Variants in MBNL2 observed in about 807,000 individuals in gnomAD.
MBNL2 encodes muscleblind-like protein 2.
Under a neutral mutation model 41.9 loss-of-function variants are expected in MBNL2, and 17 were observed. The ratio of observed to expected loss-of-function variants is 0.41; its 90% CI spans 0.28 to 0.61. The LOEUF (loss-of-function observed/expected upper bound fraction) is 0.61, where lower values mean the gene tolerates loss of function less well. MBNL2 is among the 20% of genes least tolerant of loss of function. The pLI is 0.35. For synonymous variants in MBNL2, 195 were observed against 182.9 expected (o/e 1.07, Z -0.53); for missense variants, 336 against 505.6 (o/e 0.66, Z 3.22).
chr13:97,148,703 T>C, the MBNL2 span, among the ~76,000 whole-genome samples: 1 of 152,218 alleles, frequency 6.6e-6, no homozygotes, highest in African/African-American at 2.4e-5. Context: ...ATCACCATTA[T>C]TGTCTTCCAT....
chr13:97,265,801 T>C (rs963506692), intron 1 of MBNL2, among the ~76,000 whole-genome samples: 1 of 152,068 alleles, frequency 6.6e-6, no homozygotes, highest in Non-Finnish European at 1.5e-5. Context: ...TACTATCCCT[T>C]TGAAGAAAAA....
Position 97,233,141 on chromosome 13 carries a change from A to G in MBNL2, c.-605+10610A>G, listed in dbSNP as rs1237725750. 2.0e-4 allele frequency among the ~76,000 whole-genome samples: 15 copies of G among 75,928 alleles called. No individual in the cohort carries two copies. The East Asian group carries it at 0.011, about 56-fold the overall frequency. The allele number at this position is 75,928 out of a possible 152,430, so 49.8% of individuals were successfully genotyped here. A position where few individuals can be genotyped will look rare whatever the true frequency, so the allele number is the denominator to read the frequency against. On this transcript the variant is annotated intron_variant, in intron 1 of 8. Transcript: ENST00000679496. ...GGCTCTTTTTCATATATATATATAT[A>G]TATATATATATATATATATATATAT...
intron 2 of MBNL2, among the ~76,000 whole-genome samples, chr13:97,329,402 TTC>T (rs2060179018): frequency 6.6e-6 from 1 of 152,124 alleles, no homozygotes; most frequent in Non-Finnish European, 1.5e-5. Context: ...GATCTTGTTA[TTC>T]TCCTGCTTAA....
intron 2 of MBNL2, among the ~76,000 whole-genome samples, chr13:97,280,254 T>C (rs900177236): frequency 1.3e-5 from 2 of 152,218 alleles, no homozygotes; most frequent in Admixed American, 6.5e-5. Flanking sequence ...GGAATTAATC[T>C]GAACCATTTG....
In MBNL2 at chr13:97,391,583, G is replaced by A. The variant is rs2066393684; in HGVS notation, c.*134G>A. ...TTAACTACCTGAGACCAGCTGTGAT[G>A]TTTAAAGACATAAAGGATAAAGTTT... On this transcript the variant is annotated 3_prime_UTR_variant, in exon 9 of 9. Coordinates refer to ENST00000679496, the MANE Select transcript of MBNL2 (RefSeq NM_001382683.1). 1 of 652,264 alleles carries A rather than the reference G, an allele frequency of 1.5e-6. No homozygotes were observed. The allele number at this position is 652,264 out of a possible 1,614,324, so 40.4% of individuals were successfully genotyped here.
the MBNL2 span, among the ~76,000 whole-genome samples, chr13:97,187,125 G>A: frequency 6.6e-6 from 1 of 152,136 alleles, no homozygotes; most frequent in African/African-American, 2.4e-5. Flanking sequence ...TGAGTACTTA[G>A]AAAGTGCAGA....
chr13:97,158,129 T>A, the MBNL2 span, among the ~76,000 whole-genome samples: 2 of 151,980 alleles, frequency 1.3e-5, no homozygotes, highest in African/African-American at 4.8e-5. Context: ...CTTGGGAGAG[T>A]GTATGTGTCA....
Position 97,305,791 on chromosome 13 carries a change from A to G in MBNL2, c.175-28485A>G, listed in dbSNP as rs566219621. 2.6e-5 allele frequency among the ~76,000 whole-genome samples: 4 copies of G among 152,196 alleles called. No homozygotes were observed. The East Asian group carries it at 7.7e-4, about 29-fold the overall frequency. On this transcript the variant is annotated intron_variant, in intron 2 of 8. Transcript: ENST00000679496. ...CTCAAAACAAACAAACAAACAAACC[A>G]AAAATCCCAGGATTTTTATATTTTT... is the stretch of plus-strand genomic sequence containing the variant.
At chr13:97,216,196 G>A in the MBNL2 span, among the ~76,000 whole-genome samples, 2 of 150,560 alleles carry the variant, frequency 1.3e-5, no homozygotes, top group East Asian at 3.9e-4. Context: ...TCTATTCCCT[G>A]CTGCATTTTC....
At chr13:97,152,576 G>A in the MBNL2 span, among the ~76,000 whole-genome samples, 3 of 152,140 alleles carry the variant, frequency 2.0e-5, no homozygotes, top group East Asian at 1.9e-4. Context: ...ATTCAGAATA[G>A]CATCAGACTT....
At chr13:97,341,837 T>C (rs1456795901) in intron 3 of MBNL2, among the ~76,000 whole-genome samples, 2 of 152,218 alleles carry the variant, frequency 1.3e-5, no homozygotes, top group African/African-American at 4.8e-5. Flanking sequence ...TTTTCCCATA[T>C]GTTAAATAAT....
At chr13:97,252,580 A>G (rs2046790498) in intron 1 of MBNL2, among the ~76,000 whole-genome samples, 1 of 152,120 alleles carries the variant, frequency 6.6e-6, no homozygotes, top group African/African-American at 2.4e-5. Context: ...TGCTTGTCCA[A>G]TACATTTTCA....
chr13:97,309,170 G>T (rs995745273), intron 2 of MBNL2, among the ~76,000 whole-genome samples: 29 of 152,206 alleles, frequency 1.9e-4, no homozygotes, highest in Admixed American at 7.2e-4. Context: ...TGGGGAGCTT[G>T]CACGCCCAAG....
chr13:97,155,186 G>A, the MBNL2 span, among the ~76,000 whole-genome samples: 16 of 151,772 alleles, frequency 1.1e-4, no homozygotes, highest in Non-Finnish European at 5.9e-5. Flanking sequence ...TTTTTTTGTA[G>A]CTATTTTCCA....
chr13:97,313,785 T>A (rs925633639), intron 2 of MBNL2, among the ~76,000 whole-genome samples: 2 of 152,180 alleles, frequency 1.3e-5, no homozygotes, highest in African/African-American at 4.8e-5. Flanking sequence ...GGAAATAGTG[T>A]GGCCCACTAC....
chr13:97,338,341 C>T (rs968735766), intron 3 of MBNL2, among the ~76,000 whole-genome samples: 2 of 152,202 alleles, frequency 1.3e-5, no homozygotes, highest in African/African-American at 2.4e-5. Context: ...CAACCCCCAG[C>T]ATTCTCTACC....
the MBNL2 span, among the ~76,000 whole-genome samples, chr13:97,161,012 A>G: frequency 1.3e-5 from 2 of 152,204 alleles, no homozygotes; most frequent in Non-Finnish European, 2.9e-5. Flanking sequence ...CCTATGGACA[A>G]CAGCATCAGT....
intron 2 of MBNL2, among the ~76,000 whole-genome samples, chr13:97,318,725 G>A (rs1435474528): frequency 6.6e-6 from 1 of 152,210 alleles, no homozygotes; most frequent in Non-Finnish European, 1.5e-5. Flanking sequence ...GGTTTGCTGA[G>A]GGAAAAGACT....
intron 2 of MBNL2, among the ~76,000 whole-genome samples, chr13:97,313,780 T>C (rs2058805506): frequency 6.6e-6 from 1 of 152,126 alleles, no homozygotes; most frequent in African/African-American, 2.4e-5. Context: ...ACACTGGAAA[T>C]AGTGTGGCCC....
Sources: allele counts gnomAD v4.1 joint callset (sites outside exome capture counted in the v4.1 genomes callset), GRCh38; gene constraint gnomAD v4.1.1; transcripts MANE v1.5; gene names NCBI Gene and HGNC (gene_info 2026-07-23, HGNC 2026-07-21).